Variants in SFTPD observed in about 807,000 individuals in gnomAD.
SFTPD encodes surfactant protein D.
Under a neutral mutation model 34.6 loss-of-function variants are expected in SFTPD, and 18 were observed. The ratio of observed to expected loss-of-function variants is 0.52; its 90% CI spans 0.36 to 0.77. The LOEUF (loss-of-function observed/expected upper bound fraction) is 0.77. Ranked by LOEUF, SFTPD falls within the 30% of genes least tolerant of loss-of-function variation. The probability of loss-of-function intolerance (pLI) is 0.00; values close to 1 mark genes in which losing one functional copy is unlikely to be tolerated. For synonymous variants in SFTPD, 155 were observed against 180.9 expected (o/e 0.86, Z 1.15); for missense variants, 433 against 468.9 (o/e 0.92, Z 0.71).
chr10:79,979,890 AG>A (rs1842881472), intron 1 of SFTPD, among the ~76,000 whole-genome samples: 1 of 152,180 alleles, frequency 6.6e-6, no homozygotes, highest in Non-Finnish European at 1.5e-5. Flanking sequence ...GGGAGAAAAA[AG>A]AGTAAAGGGG....
At chr10:79,954,845 G>C (rs1484069246) in intron 1 of SFTPD, among the ~76,000 whole-genome samples, 1 of 152,190 alleles carries the variant, frequency 6.6e-6, no homozygotes, top group Non-Finnish European at 1.5e-5. Flanking sequence ...CCACAGTGCA[G>C]AGTCTAAAAC....
chr10:79,940,559 C>T, intron 7 of SFTPD, 146 bp downstream of exon 7: 1 of 597,930 alleles, frequency 1.7e-6, no homozygotes, highest in South Asian at 2.1e-5. Flanking sequence ...TACACAGGTC[C>T]CAGCTCATTC....
chr10:79,972,337 A>G (rs970194549), intron 1 of SFTPD: 1 of 152,262 alleles, frequency 6.6e-6, no homozygotes, highest in African/African-American at 2.4e-5. Context: ...GTCTCTACTA[A>G]AAATACAAAA....
upstream of SFTPD, among the ~76,000 whole-genome samples, chr10:79,952,017 G>A (rs930123592): frequency 3.3e-5 from 5 of 152,288 alleles, no homozygotes; most frequent in South Asian, 2.1e-4. Flanking sequence ...CCCTTGTCCC[G>A]GAGCTTGTGA....
At chr10:79,974,042 A>C (rs1265435994) in intron 1 of SFTPD, among the ~76,000 whole-genome samples, 7 of 130,180 alleles carry the variant, frequency 5.4e-5, no homozygotes, top group African/African-American at 2.3e-4. Flanking sequence ...ACACACACCC[A>C]CACACACACA....
chr10:79,974,617 T>C (rs1477599506), intron 1 of SFTPD, among the ~76,000 whole-genome samples: 1 of 152,242 alleles, frequency 6.6e-6, no homozygotes, highest in African/African-American at 2.4e-5. Flanking sequence ...TATATACCTC[T>C]CCATCTATCT....
At chr10:79,982,252 G>A in intron 1 of SFTPD, 1 of 915,226 alleles carries the variant, frequency 1.1e-6, no homozygotes, top group African/African-American at 1.8e-5. Flanking sequence ...ATGGGACCGC[G>A]GGCGGCGGCG....
rs760231599 is a variant in SFTPD, at chr10:79,938,196, C to T, written c.784G>A (p.Glu262Lys). ...AAGCCTGCTGTCTTGAAAATCTTCT[C>T]CCCGACACTTTGGCCATTTGGGAAG... ...ELFPNGQSVG[E>K]KIFKTAGFVK... The change falls in exon 8 of 8, where the codon GAG (glutamate) becomes AAG (lysine). Residue 262 changes from glutamate (E) to lysine (K), a missense_variant. By Grantham distance (56) the Glu-to-Lys change is moderately conservative. Transcript: ENST00000372292. 7 of 1,599,632 alleles carry T rather than the reference C, an allele frequency of 4.4e-6. No homozygotes were observed. The highest frequency in any genetic ancestry group is 6.0e-6 in the Non-Finnish European group (7 of 1,167,942).
chr10:79,977,456 TAAAC>T (rs1346991207), intron 1 of SFTPD, among the ~76,000 whole-genome samples: 2 of 152,194 alleles, frequency 1.3e-5, no homozygotes, highest in African/African-American at 2.4e-5. Flanking sequence ...TACTCAATCA[TAAAC>T]AAACAACAAC....
At chr10:79,977,742 T>TA (rs1187457130) in intron 1 of SFTPD, among the ~76,000 whole-genome samples, 1 of 152,246 alleles carries the variant, frequency 6.6e-6, no homozygotes, top group Admixed American at 6.5e-5. Context: ...AAGGAGTTGT[T>TA]ACAGATTTTT....
At chr10:79,940,561 A>G (rs1196203194) in intron 7 of SFTPD, 144 bp downstream of exon 7, 2 of 602,270 alleles carry the variant, frequency 3.3e-6, no homozygotes, top group Middle Eastern at 4.8e-4. Flanking sequence ...CACAGGTCCC[A>G]GCTCATTCCC....
At chr10:79,950,053 C>T (rs1923536), upstream of SFTPD, 27,038 of 151,974 alleles carry the variant, frequency 0.18, 3,131 homozygotes, top group South Asian at 0.29. Context: ...CTGTTGCCCA[C>T]GCTGGTCTCA....
chr10:79,974,371 G>A (rs528017000), intron 1 of SFTPD, among the ~76,000 whole-genome samples: 6 of 151,318 alleles, frequency 4.0e-5, no homozygotes, highest in African/African-American at 9.7e-5. Flanking sequence ...GGGGTTTCTC[G>A]ATCTCCTGAC....
At chr10:79,944,864 C>A (rs922365049) in intron 2 of SFTPD, among the ~76,000 whole-genome samples, 1 of 152,082 alleles carries the variant, frequency 6.6e-6, no homozygotes, top group South Asian at 2.1e-4. Flanking sequence ...TTCTTTCAAG[C>A]CCCAATTTTC....
At chr10:79,959,198 AT>A (rs1842757503) in intron 1 of SFTPD, among the ~76,000 whole-genome samples, 2 of 148,908 alleles carry the variant, frequency 1.3e-5, no homozygotes, top group Admixed American at 6.6e-5. Flanking sequence ...AGCAGGAAAG[AT>A]CCAAAATTGA....
chr10:79,959,270 C>G (rs1564533230), intron 1 of SFTPD, among the ~76,000 whole-genome samples: 1 of 151,394 alleles, frequency 6.6e-6, no homozygotes, highest in South Asian at 2.1e-4. Context: ...CAAAAGCTAG[C>G]AGAAGGCAAG....
At chr10:79,956,159 C>T (rs375867840) in intron 1 of SFTPD, among the ~76,000 whole-genome samples, 8 of 152,010 alleles carry the variant, frequency 5.3e-5, no homozygotes, top group African/African-American at 1.9e-4. Flanking sequence ...TTTAAAATCA[C>T]CAAAATGGGG....
intron 1 of SFTPD, among the ~76,000 whole-genome samples, chr10:79,958,875 A>G (rs1455900828): frequency 6.6e-6 from 1 of 152,074 alleles, no homozygotes; most frequent in Non-Finnish European, 1.5e-5. Flanking sequence ...CTATTCCAAA[A>G]TTGACCACAT....
intron 1 of SFTPD, chr10:79,973,001 A>C (rs1589343752): frequency 6.6e-6 from 1 of 152,194 alleles, no homozygotes; most frequent in East Asian, 1.9e-4. Flanking sequence ...GCTTATATCC[A>C]TCCATAATAC....
Sources: allele counts gnomAD v4.1 joint callset (sites outside exome capture counted in the v4.1 genomes callset), GRCh38; gene constraint gnomAD v4.1.1; transcripts MANE v1.5; gene names NCBI Gene and HGNC (gene_info 2026-07-23, HGNC 2026-07-21).